The following FLI1 variants were observed in gnomAD, a reference collection of about 807,000 sequenced individuals.
FLI1 encodes the protein Fli-1 proto-oncogene, ETS transcription factor.
A neutral mutation model predicts 53.1 loss-of-function variants in FLI1; 13 were observed. That is an observed-to-expected ratio of 0.24 (90% confidence interval 0.16 to 0.39). The LOEUF (loss-of-function observed/expected upper bound fraction) is 0.39. Among genes scored for constraint, FLI1 ranks in the 10% least tolerant of loss-of-function variants. The pLI is 1.00. For synonymous variants in FLI1, 244 were observed against 236.7 expected (o/e 1.03, Z -0.28); for missense variants, 424 against 600.5 (o/e 0.71, Z 3.07).
At chr11:128,750,663 A>T (rs535997762) in intron 1 of FLI1, among the ~76,000 whole-genome samples, 3 of 152,184 alleles carry the variant, frequency 2.0e-5, no homozygotes, top group African/African-American at 7.2e-5. Flanking sequence ...TGGTTTGCTC[A>T]TCGTTCATAT....
chr11:128,715,478 G>T (rs981528943), intron 1 of FLI1, among the ~76,000 whole-genome samples: 1 of 152,208 alleles, frequency 6.6e-6, no homozygotes, highest in Non-Finnish European at 1.5e-5. Flanking sequence ...AATGACATTT[G>T]CAGAGCCCCT....
chr11:128,715,469 ATG>A (rs1375756914), intron 1 of FLI1, among the ~76,000 whole-genome samples: 2 of 152,244 alleles, frequency 1.3e-5, no homozygotes, highest in Admixed American at 6.5e-5. Context: ...TGAGGAGTCA[ATG>A]ACATTTGCAG....
At chr11:128,753,692 T>C (rs1565482816) in intron 1 of FLI1, among the ~76,000 whole-genome samples, 1 of 152,262 alleles carries the variant, frequency 6.6e-6, no homozygotes, top group Non-Finnish European at 1.5e-5. Flanking sequence ...CAGCTCCTCA[T>C]GTGTAACAAG....
chr11:128,799,089 G>C (rs1207943365), intron 5 of FLI1, among the ~76,000 whole-genome samples: 1 of 146,872 alleles, frequency 6.8e-6, no homozygotes, highest in Non-Finnish European at 1.5e-5. Flanking sequence ...TTGTCACCCA[G>C]GCTGGAGTAC....
At chr11:128,723,189 C>A (rs1251150611) in intron 1 of FLI1, among the ~76,000 whole-genome samples, 2 of 152,158 alleles carry the variant, frequency 1.3e-5, no homozygotes, top group African/African-American at 2.4e-5. Flanking sequence ...ATGTATGAGT[C>A]TGGGGAGGGA....
Position 128,810,988 on chromosome 11 carries a change from G to A in FLI1, c.1359G>A (p.Ter453=). Residue 453 remains the stop codon, a stop_retained_variant, in exon 9 of 9, where the codon TAG becomes TAA. Coordinates refer to ENST00000527786, the MANE Select transcript of FLI1 (RefSeq NM_002017.5). The surrounding 1 kb of genome is among the most constrained non-coding windows in gnomAD (Gnocchi z 6.6). ...HVPSHLGSYY[*] ...CTTCACACTTAGGCAGCTACTACTA[G>A]AAGCTTACTCATCAGTGGCCTTCTA... The A allele has an allele frequency of 6.2e-7, 1 of 1,613,970 alleles. No homozygotes were observed. The highest frequency in any genetic ancestry group is 1.1e-5 in the South Asian group (1 of 91,084).
At position 128,792,074 on chromosome 11, in the gene FLI1, C is replaced by T. The variant is rs187242899; in HGVS notation, c.655+10051C>T. ...GCCAAGAAATTTCCTATTCATTTCA[C>T]ATTTATCCTTCATAAAACCTTGTTA... On this transcript the variant is annotated intron_variant, in intron 5 of 8. Coordinates refer to ENST00000527786, the MANE Select transcript of FLI1 (RefSeq NM_002017.5). Among the ~76,000 whole-genome samples the T allele has an allele frequency of 4.3e-4, 66 of 152,334 alleles. No individual in the cohort carries two copies. In the East Asian group the frequency reaches 7.7e-3, roughly 18 times the overall value.
intron 1 of FLI1, among the ~76,000 whole-genome samples, chr11:128,757,106 TTCTTTCTC>T (rs1402499033): frequency 1.6e-4 from 22 of 141,294 alleles, no homozygotes; most frequent in Admixed American, 1.2e-3. Context: ...CTTTCTTTCT[TTCTTTCTC>T]TCTTTCTGTT....
chr11:128,805,574 G>A, intron 6 of FLI1, 143 bp downstream of exon 6: 1 of 600,170 alleles, frequency 1.7e-6, no homozygotes, highest in East Asian at 2.9e-5. Context: ...GCCAATTTAG[G>A]GCCTTTCCAT....
Position 128,810,429 on chromosome 11 carries a change from G to T in FLI1, c.830-30G>T, listed in dbSNP as rs770763557. ...TGCCTTCTCTGGGCTGAGGTGTTCT[G>T]TTCTCTCCCGTTTGCCTCACGGCGT... On this transcript the variant is annotated intron_variant, in intron 8 of 8. Transcript: ENST00000527786. The surrounding 1 kb of genome is among the most constrained non-coding windows in gnomAD (Gnocchi z 6.6). The T allele has an allele frequency of 1.9e-6, 3 of 1,565,744 alleles. No individual in the cohort carries two copies. The highest frequency in any genetic ancestry group is 2.6e-6 in the Non-Finnish European group (3 of 1,155,012).
chr11:128,805,218 G>A, intron 5 of FLI1, 148 bp from the exon 6 acceptor site: 1 of 535,714 alleles, frequency 1.9e-6, no homozygotes, highest in Non-Finnish European at 3.3e-6. Flanking sequence ...CAACCCCAGG[G>A]GGTGAGTACA....
At chr11:128,690,428 C>T (rs1937690642), upstream of FLI1, among the ~76,000 whole-genome samples, 1 of 152,110 alleles carries the variant, frequency 6.6e-6, no homozygotes, top group African/African-American at 2.4e-5. Flanking sequence ...GGACCAGGCT[C>T]AGATCGTCAG....
At chr11:128,788,134 G>T (rs1021429975) in intron 5 of FLI1, among the ~76,000 whole-genome samples, 2 of 151,964 alleles carry the variant, frequency 1.3e-5, no homozygotes, top group African/African-American at 4.8e-5. Flanking sequence ...CCGTACCAAG[G>T]GTCGTGAAGG....
intron 1 of FLI1, among the ~76,000 whole-genome samples, chr11:128,753,152 C>T (rs1940720828): frequency 6.6e-6 from 1 of 152,170 alleles, no homozygotes; most frequent in African/African-American, 2.4e-5. Flanking sequence ...GACCCACAGA[C>T]CCAGCCTTTC....
intron 5 of FLI1, among the ~76,000 whole-genome samples, chr11:128,787,825 G>A (rs200237238): frequency 2.6e-5 from 1 of 38,632 alleles, no homozygotes; most frequent in Non-Finnish European, 5.7e-5. Context: ...TTTTTTTTTT[G>A]AGATGGAGTC....
chr11:128,803,560 T>C (rs900436588), intron 5 of FLI1, among the ~76,000 whole-genome samples: 12 of 152,210 alleles, frequency 7.9e-5, no homozygotes, highest in African/African-American at 2.9e-4. Context: ...AGGAACCCTT[T>C]ATGTGTCCTC....
chr11:128,764,948 T>C, intron 2 of FLI1: 1 of 1,094,072 alleles, frequency 9.1e-7, no homozygotes, highest in East Asian at 2.6e-5. Flanking sequence ...TGCAGAAGCC[T>C]GGGACCGAGG....
chr11:128,721,793 C>G (rs1013168591), intron 1 of FLI1, among the ~76,000 whole-genome samples: 2 of 152,182 alleles, frequency 1.3e-5, no homozygotes, highest in Non-Finnish European at 2.9e-5. Flanking sequence ...GAAGCTTGCC[C>G]GCTCCAGGCT....
chr11:128,779,353 T>C (rs1941839908), intron 4 of FLI1, among the ~76,000 whole-genome samples: 1 of 152,246 alleles, frequency 6.6e-6, no homozygotes, highest in South Asian at 2.1e-4. Flanking sequence ...GTCCTACTTC[T>C]GGGATTTTTT....
Sources: gnomAD v4.1 joint callset for allele counts (sites outside exome capture counted in the v4.1 genomes callset) on GRCh38, gnomAD v4.1.1 for gene constraint, Gnocchi (gnomAD v3.1) non-coding constraint, MANE v1.5 for transcripts, NCBI Gene and HGNC (gene_info 2026-07-23, HGNC 2026-07-21) for gene names.